The following ADSS2 variants were observed in gnomAD, a reference collection of about 807,000 sequenced individuals.
ADSS2 encodes adenylosuccinate synthetase isozyme 2.
A neutral mutation model predicts 60.0 loss-of-function variants in ADSS2; 30 were observed. The ratio of observed to expected loss-of-function variants is 0.50; its 90% CI spans 0.37 to 0.68. The LOEUF is 0.68. ADSS2 is among the 30% of genes least tolerant of loss of function. The pLI is 0.00. For synonymous variants in ADSS2, 187 were observed against 193.1 expected, an observed-to-expected ratio of 0.97 and a Z score of 0.26; for missense variants, 373 against 554.8, an observed-to-expected ratio of 0.67 and a Z score of 3.29.
intron 7 of ADSS2, 66 bp from the exon 8 acceptor site, chr1:244,420,362 A>C: frequency 7.1e-7 from 1 of 1,401,424 alleles, no homozygotes; most frequent in Non-Finnish European, 9.6e-7. Context: ...CCAGAACAAG[A>C]ATAAATTACC....
intron 1 of ADSS2, among the ~76,000 whole-genome samples, 159 bp from the exon 2 acceptor site, chr1:244,437,927 T>C (rs1665142947): frequency 6.6e-6 from 1 of 152,190 alleles, no homozygotes; most frequent in Non-Finnish European, 1.5e-5. Flanking sequence ...TAAAATAGTT[T>C]GGCTGTCTCC....
In ADSS2 at chr1:244,436,062, C is replaced by G. The variant is rs778731246; in HGVS notation, c.355+763G>C. Among the ~76,000 whole-genome samples, 13 of 152,116 alleles carry G rather than the reference C, an allele frequency of 8.5e-5. 1 individual carries two copies. Among genetic ancestry groups the G allele is most frequent in the Admixed American group, 6.5e-5 (1 of 15,282 alleles). On this transcript the variant is annotated intron_variant, in intron 3 of 12. Transcript: ENST00000366535. ...GCTGAAAGGGGAGAAGGCCTTTTTT[C>G]CCCTGGAAACACTGAATAAACTGTG...
intron 4 of ADSS2, 167 bp from the exon 5 acceptor site, chr1:244,424,554 C>A: frequency 1.9e-6 from 1 of 533,202 alleles, no homozygotes; most frequent in Non-Finnish European, 3.3e-6. Flanking sequence ...CCAACTAGTA[C>A]ATTAATATGA....
intron 1 of ADSS2, among the ~76,000 whole-genome samples, chr1:244,447,946 T>C (rs1665434967): frequency 1.3e-5 from 2 of 152,148 alleles, no homozygotes; most frequent in Non-Finnish European, 2.9e-5. Flanking sequence ...GTCTCCCTTT[T>C]GAGAAAATTT....
chr1:244,409,713 GT>G, intron 12 of ADSS2, 75 bp from the exon 13 acceptor site: 1 of 1,168,832 alleles, frequency 8.6e-7, no homozygotes, highest in Non-Finnish European at 1.3e-6. Context: ...AAAACAGGTA[GT>G]CCCCTACTTT....
rs1553308065 is a variant in ADSS2 at position 244,435,194 on chromosome 1, A to AAAAAAAAAAAAC, written c.355+1630_355+1631insGTTTTTTTTTTT. Among the ~76,000 whole-genome samples, 44 of 127,888 alleles carry AAAAAAAAAAAAC rather than the reference A, an allele frequency of 3.4e-4. 3 individuals carry two copies. Among genetic ancestry groups the AAAAAAAAAAAAC allele is most frequent in the African/African-American group, 1.4e-3 (43 of 31,120 alleles). 83.9% of individuals were successfully genotyped at this position (127,888 alleles called of 152,430 possible). ...AAAAAAAAAAAAAAAAAAAAAAAAAAAAACAAACCTGAACATACTATAACA... is the reference window on the plus strand; with the variant it reads ...AAAAAAAAAAAAAAAAAAAAAAAAAAAAAAAAAAAAACAAACAAACCTGAACATACTATAACA... On this transcript the variant is annotated intron_variant, in intron 3 of 12. Transcript: ENST00000366535.
At chr1:244,439,921 T>C (rs1164474407) in intron 1 of ADSS2, among the ~76,000 whole-genome samples, 2 of 152,168 alleles carry the variant, frequency 1.3e-5, no homozygotes, top group Admixed American at 1.3e-4. Flanking sequence ...CTTTCTACTG[T>C]GACAAGGGCA....
intron 4 of ADSS2, among the ~76,000 whole-genome samples, chr1:244,429,790 G>A (rs759152109): frequency 6.6e-6 from 1 of 152,114 alleles, no homozygotes; most frequent in Non-Finnish European, 1.5e-5. Context: ...GCTGAGGCAC[G>A]AGAATCGCTT....
At chr1:244,411,499 T>C in intron 11 of ADSS2, 63 bp from the exon 12 acceptor site, 7 of 1,490,652 alleles carry the variant, frequency 4.7e-6, no homozygotes, top group Admixed American at 2.1e-5. Context: ...AACTTTTTGA[T>C]ATATTGTAGG....
At chr1:244,421,973 C>A (rs778773594) in intron 7 of ADSS2, among the ~76,000 whole-genome samples, 12 of 151,770 alleles carry the variant, frequency 7.9e-5, no homozygotes, top group Non-Finnish European at 1.6e-4. Context: ...GACCCTGTCT[C>A]AAAAAATAAA....
At chr1:244,439,625 G>A (rs961779289) in intron 1 of ADSS2, among the ~76,000 whole-genome samples, 1 of 152,132 alleles carries the variant, frequency 6.6e-6, no homozygotes, top group African/African-American at 2.4e-5. Context: ...GGGGAAGAGG[G>A]GCACAAGCAC....
chr1:244,429,857 G>A (rs1238554504), intron 4 of ADSS2, among the ~76,000 whole-genome samples: 2 of 152,052 alleles, frequency 1.3e-5, no homozygotes, highest in African/African-American at 4.8e-5. Flanking sequence ...ACTCCCGCCT[G>A]GGTGACAGAA....
chr1:244,446,541 T>A (rs190083131), intron 1 of ADSS2, among the ~76,000 whole-genome samples: 8 of 152,348 alleles, frequency 5.3e-5, no homozygotes, highest in Admixed American at 2.6e-4. Flanking sequence ...TCTAGTTTCA[T>A]ACACACATAA....
chr1:244,445,274 A>G (rs570223979), intron 1 of ADSS2, among the ~76,000 whole-genome samples: 1 of 152,312 alleles, frequency 6.6e-6, no homozygotes, highest in South Asian at 2.1e-4. Flanking sequence ...CACAAAAAAA[A>G]CTTACTACAA....
At chr1:244,451,914 A>G (rs1665633102), upstream of ADSS2, 3 of 1,292,674 alleles carry the variant, frequency 2.3e-6, no homozygotes, top group South Asian at 3.2e-5. This position sits in a 1 kb window ranked among gnomAD's most constrained non-coding sequence, Gnocchi z 6.6. Context: ...GCAGAGGAAG[A>G]AGGAGCCAGA....
intron 1 of ADSS2, among the ~76,000 whole-genome samples, chr1:244,441,827 G>A (rs978924977): frequency 1.3e-5 from 2 of 151,960 alleles, no homozygotes; most frequent in Admixed American, 6.6e-5. Context: ...GTGGTGGCAC[G>A]TGCCTGTAGT....
At chr1:244,443,515 C>G (rs1406757964) in intron 1 of ADSS2, among the ~76,000 whole-genome samples, 2 of 152,168 alleles carry the variant, frequency 1.3e-5, no homozygotes, top group Non-Finnish European at 2.9e-5. Context: ...TAATAAATCT[C>G]AGAGATAATT....
At chr1:244,434,598 T>C (rs1463652554) in intron 3 of ADSS2, among the ~76,000 whole-genome samples, 2 of 152,160 alleles carry the variant, frequency 1.3e-5, no homozygotes, top group African/African-American at 4.8e-5. Flanking sequence ...TACGGTTGTT[T>C]TGACATACAA....
At chr1:244,418,298 A>G (rs1450454449) in intron 9 of ADSS2, among the ~76,000 whole-genome samples, 1 of 152,054 alleles carries the variant, frequency 6.6e-6, no homozygotes, top group Non-Finnish European at 1.5e-5. Context: ...CATTATAATT[A>G]CATAGTTTTT....
Sources: allele counts gnomAD v4.1 joint callset (sites outside exome capture counted in the v4.1 genomes callset), GRCh38; gene constraint gnomAD v4.1.1; non-coding constraint Gnocchi (gnomAD v3.1); transcripts MANE v1.5; gene names NCBI Gene and HGNC (gene_info 2026-07-23, HGNC 2026-07-21).